The following WWOX variants were observed in gnomAD, a reference collection of about 807,000 sequenced individuals.
WWOX encodes WW domain-containing oxidoreductase.
In WWOX, 69 loss-of-function variants were observed where a neutral mutation model predicts 46.2. That is an observed-to-expected ratio of 1.49 (90% CI 1.23 to 1.82). The LOEUF (loss-of-function observed/expected upper bound fraction) is 1.82, where lower values mean the gene tolerates loss of function less well. WWOX is among the 40% of genes most tolerant of loss of function. The pLI is 0.00. For missense variants in WWOX, 919 were observed against 542.6 expected (o/e 1.69, Z -6.89); for synonymous variants, 359 against 202.6 (o/e 1.77, Z -6.56).
At chr16:78,741,965 A>G (rs1193558385) in intron 8 of WWOX, among the ~76,000 whole-genome samples, 1 of 152,196 alleles carries the variant, frequency 6.6e-6, no homozygotes, top group Non-Finnish European at 1.5e-5. Context: ...ACTGGACATT[A>G]TCTCTGTCTC....
In WWOX at chr16:79,025,405, C is replaced by T. The variant is rs576401903; in HGVS notation, c.1057-186203C>T. Among the ~76,000 whole-genome samples, 22 of 152,264 alleles carry T rather than the reference C, an allele frequency of 1.4e-4. No homozygotes were observed. In the South Asian group the frequency reaches 4.4e-3, roughly 30 times the overall value. ...TCAGTTGAGGATCTCAAAACGAGGT[C>T]ATCTTGGGTGGACCCTAAATCCAAT... On this transcript the variant is annotated intron_variant, in intron 8 of 8. Transcript: ENST00000566780.
rs1206820636 is a variant in WWOX, at chr16:78,574,950, C to G, written c.1056+142198C>G. 2.9e-4 allele frequency among the ~76,000 whole-genome samples: 37 copies of G among 126,976 alleles called. 1 individual carries two copies. The highest frequency in any genetic ancestry group is 9.9e-4 in the African/African-American group (35 of 35,474). 83.3% of individuals were successfully genotyped at this position (126,976 alleles called of 152,430 possible). A position where few individuals can be genotyped will look rare whatever the true frequency, so the allele number is the denominator to read the frequency against. Reference sequence around the variant, plus strand: ...ATCATTACACAATGTATATAGTAATCAAATCATTACTTTATAGACCCTGAA... The same window carrying G: ...ATCATTACACAATGTATATAGTAATGAAATCATTACTTTATAGACCCTGAA... On this transcript the variant is annotated intron_variant, in intron 8 of 8. Transcript: ENST00000566780.
At chr16:78,850,087 G>C (rs922014019) in intron 8 of WWOX, among the ~76,000 whole-genome samples, 2 of 151,772 alleles carry the variant, frequency 1.3e-5, no homozygotes, top group Admixed American at 6.6e-5. Flanking sequence ...AAAAAAAATA[G>C]AGTGATAGAG....
At chr16:78,312,439 A>G (rs1240282983) in intron 5 of WWOX, among the ~76,000 whole-genome samples, 6 of 144,866 alleles carry the variant, frequency 4.1e-5, no homozygotes, top group African/African-American at 1.3e-4. Context: ...GTGCAATGGC[A>G]TGATTTCTGC....
chr16:79,076,215 C>G, intron 8 of WWOX, among the ~76,000 whole-genome samples: 1 of 152,204 alleles, frequency 6.6e-6, no homozygotes, highest in East Asian at 1.9e-4. Context: ...TTAGTGAAAT[C>G]TGTGGGTTAT....
intron 8 of WWOX, among the ~76,000 whole-genome samples, chr16:78,669,781 C>G (rs2047417485): frequency 6.6e-6 from 1 of 152,192 alleles, no homozygotes. Flanking sequence ...TCCCACATGG[C>G]ACCCCTATTG....
chr16:79,008,469 C>T (rs374287822), intron 8 of WWOX, among the ~76,000 whole-genome samples: 51 of 152,284 alleles, frequency 3.3e-4, no homozygotes, highest in African/African-American at 9.4e-4. Flanking sequence ...ATTATCCCAT[C>T]ATATTCACAG....
At chr16:78,714,267 G>A (rs907616556) in intron 8 of WWOX, among the ~76,000 whole-genome samples, 3 of 152,168 alleles carry the variant, frequency 2.0e-5, no homozygotes, top group Admixed American at 1.3e-4. Flanking sequence ...ACTCATAGTT[G>A]CACATGGCTG....
At chr16:78,567,768 TC>T (rs1342192899) in intron 8 of WWOX, among the ~76,000 whole-genome samples, 1 of 151,692 alleles carries the variant, frequency 6.6e-6, no homozygotes, top group Non-Finnish European at 1.5e-5. Context: ...ACAAAGTTTT[TC>T]TCCCGCAACT....
intron 8 of WWOX, among the ~76,000 whole-genome samples, chr16:78,757,968 C>A (rs1001024835): frequency 6.6e-6 from 1 of 152,068 alleles, no homozygotes; most frequent in African/African-American, 2.4e-5. Flanking sequence ...CACATTGATT[C>A]CACAACACTG....
At chr16:79,197,739 G>A (rs2051268113) in intron 8 of WWOX, among the ~76,000 whole-genome samples, 1 of 152,072 alleles carries the variant, frequency 6.6e-6, no homozygotes, top group Admixed American at 6.6e-5. Flanking sequence ...GCTACGGATT[G>A]TGGTGAAAAC....
At chr16:78,968,896 C>A (rs1325850957) in intron 8 of WWOX, among the ~76,000 whole-genome samples, 1 of 148,310 alleles carries the variant, frequency 6.7e-6, no homozygotes, top group African/African-American at 2.5e-5. Flanking sequence ...AATACTTCTT[C>A]ATGGAGAAGG....
At chr16:78,151,453 A>G (rs369563943) in intron 4 of WWOX, among the ~76,000 whole-genome samples, 1 of 152,114 alleles carries the variant, frequency 6.6e-6, no homozygotes, top group African/African-American at 2.4e-5. Flanking sequence ...GTTTCTGTAG[A>G]GAATACCTTA....
intron 5 of WWOX, 43 bp from the exon 6 acceptor site, chr16:78,386,817 C>G: frequency 6.5e-7 from 1 of 1,548,918 alleles, no homozygotes. Flanking sequence ...ATGAACTACA[C>G]TTGCTGTTAT....
At chr16:78,367,405 T>G (rs1483416592) in intron 5 of WWOX, among the ~76,000 whole-genome samples, 1 of 23,506 alleles carries the variant, frequency 4.3e-5, no homozygotes. Flanking sequence ...GATGAGATAT[T>G]TTTTGCCATT....
At chr16:79,181,370 G>C (rs1368324335) in intron 8 of WWOX, among the ~76,000 whole-genome samples, 4 of 152,034 alleles carry the variant, frequency 2.6e-5, no homozygotes, top group Non-Finnish European at 5.9e-5. Context: ...TTTCAATTTT[G>C]ATATTATTGT....
At chr16:78,109,491 A>T (rs543819378) in intron 2 of WWOX, among the ~76,000 whole-genome samples, 9 of 152,330 alleles carry the variant, frequency 5.9e-5, no homozygotes, top group African/African-American at 2.2e-4. Context: ...AGCTCATTCA[A>T]GGGAGAATTC....
chr16:78,563,878 A>T (rs551778074), intron 8 of WWOX, among the ~76,000 whole-genome samples: 1 of 152,168 alleles, frequency 6.6e-6, no homozygotes, highest in South Asian at 2.1e-4. Context: ...TCGTTTGTCC[A>T]CTCCTTGAAC....
intron 8 of WWOX, among the ~76,000 whole-genome samples, chr16:78,962,396 G>C (rs897263073): frequency 6.8e-6 from 1 of 146,978 alleles, no homozygotes; most frequent in African/African-American, 2.5e-5. Flanking sequence ...CTGGACAAGG[G>C]CTAGGAGGCT....
Sources: allele counts gnomAD v4.1 joint callset (sites outside exome capture counted in the v4.1 genomes callset), GRCh38; gene constraint gnomAD v4.1.1; transcripts MANE v1.5; gene names NCBI Gene and HGNC (gene_info 2026-07-23, HGNC 2026-07-21).